The following INTS7 variants were observed in gnomAD, a reference collection of about 807,000 sequenced individuals.
INTS7 encodes chromosome 1 open reading frame 73.
In INTS7, 46 loss-of-function variants were observed where a neutral mutation model predicts 109.2. The ratio of observed to expected loss-of-function variants is 0.42; its 90% CI spans 0.33 to 0.54. INTS7 has a LOEUF of 0.54. INTS7 is among the 20% of genes least tolerant of loss of function. The probability of loss-of-function intolerance (pLI) is 0.07; values close to 1 mark genes in which losing one functional copy is unlikely to be tolerated. For synonymous variants in INTS7, 412 were observed against 402.9 expected, an observed-to-expected ratio of 1.02 and a Z score of -0.27; for missense variants, 929 against 1,132.4, an observed-to-expected ratio of 0.82 and a Z score of 2.58.
intron 6 of INTS7, 63 bp downstream of exon 6, chr1:212,007,187 C>G (rs1665967717): frequency 1.7e-6 from 2 of 1,154,194 alleles, no homozygotes; most frequent in East Asian, 5.1e-5. Flanking sequence ...TTTCTTATTT[C>G]TAATCATATA....
rs569570221 is a variant in INTS7 at position 211,968,554 on chromosome 1, A to C, written c.1969T>G (p.Leu657Val). The C allele has an allele frequency of 6.4e-5, 103 of 1,613,950 alleles. No homozygotes were observed. The highest frequency in any genetic ancestry group is 8.4e-5 in the Non-Finnish European group (99 of 1,179,992). The change falls in exon 14 of 20, where the codon TTA (leucine) becomes GTA (valine). Residue 657 changes from leucine to valine, a missense_variant. This residue lies in a region of INTS7 where 787 missense variants were observed against 901.1 expected (regional missense o/e 0.87). Transcript: ENST00000366994. ...CCACACCTCTGGAGGTCATTTCCTA[A>C]GGTCATGGCAATTGTTGTGGCAATT... ...PAIATTIAMT[L>V]GNDLQRCGRI...
chr1:212,008,458 C>T (rs576518121), intron 5 of INTS7, among the ~76,000 whole-genome samples: 3 of 152,212 alleles, frequency 2.0e-5, no homozygotes, highest in South Asian at 2.1e-4. Context: ...TCTGTCTACG[C>T]TTTAATTTCT....
At chr1:211,982,568 G>C in intron 9 of INTS7, 108 bp downstream of exon 9, 2 of 775,570 alleles carry the variant, frequency 2.6e-6, no homozygotes, top group South Asian at 5.2e-5. Flanking sequence ...TCAATTTGTA[G>C]ATCAAGGCAC....
chr1:211,987,146 A>G (rs1242162437), intron 8 of INTS7, among the ~76,000 whole-genome samples: 8 of 152,056 alleles, frequency 5.3e-5, no homozygotes, highest in African/African-American at 1.9e-4. Context: ...AAAATACAAA[A>G]ATTAGCCAGC....
rs778589452 is a variant in INTS7 at position 212,006,654 on chromosome 1, A to G, written c.864T>C (p.Ser288=). ...LLANKTPHTW[S]RENIQALCEC... ...TTCTACATACCTGAATATTCTCCCT[A>G]CTCCAAGTATGTGGTGTTTTATTAG... The change falls in exon 7 of 20, where the codon AGT becomes AGC. Residue 288 remains serine, a synonymous_variant. Coordinates refer to ENST00000366994, the MANE Select transcript of INTS7 (RefSeq NM_015434.4). 6.5e-7 allele frequency: 1 copy of G among 1,549,740 alleles called. No homozygotes were observed. Among genetic ancestry groups the G allele is most frequent in the South Asian group, 1.1e-5 (1 of 87,214 alleles).
chr1:212,010,631 T>C (rs770551725), intron 5 of INTS7, among the ~76,000 whole-genome samples: 7 of 152,216 alleles, frequency 4.6e-5, no homozygotes, highest in African/African-American at 9.6e-5. Context: ...GAAAAATTCC[T>C]AGTAACTTCA....
At chr1:211,980,725 G>T (rs1022831739) in intron 10 of INTS7, among the ~76,000 whole-genome samples, 2 of 151,982 alleles carry the variant, frequency 1.3e-5, no homozygotes, top group Admixed American at 6.6e-5. Context: ...AGGCATGAGA[G>T]CCACTGTCCT....
chr1:211,942,605 A>G lies in INTS7; in HGVS notation c.2602-494T>C, dbSNP rs1033603346. Among the ~76,000 whole-genome samples, 1 of 152,148 alleles carries G rather than the reference A, an allele frequency of 6.6e-6. No individual in the cohort carries two copies. The highest frequency in any genetic ancestry group is 2.1e-4 in the South Asian group (1 of 4,818). ...CAAATTTAAGTTAGGTTCCCCCCCAACAGTTAGTCTGATTTTTATTACTTA... is the reference window on the plus strand; with the variant it reads ...CAAATTTAAGTTAGGTTCCCCCCCAGCAGTTAGTCTGATTTTTATTACTTA... On this transcript the variant is annotated intron_variant, in intron 19 of 19. Transcript: ENST00000366994. This position sits in a 1 kb window ranked among gnomAD's most constrained non-coding sequence, Gnocchi z 4.2.
At chr1:212,024,272 T>C (rs988691097) in intron 1 of INTS7, among the ~76,000 whole-genome samples, 14 of 152,172 alleles carry the variant, frequency 9.2e-5, no homozygotes, top group African/African-American at 3.1e-4. Flanking sequence ...TTGATAGTAA[T>C]AGCACTCTGT....
intron 1 of INTS7, among the ~76,000 whole-genome samples, chr1:212,029,001 T>C (rs1303513903): frequency 6.6e-6 from 1 of 152,130 alleles, no homozygotes; most frequent in Admixed American, 6.5e-5. Flanking sequence ...AGAAAGAGAT[T>C]AAGATTCAAG....
intron 7 of INTS7, among the ~76,000 whole-genome samples, chr1:211,995,563 A>G (rs1665344249): frequency 6.6e-6 from 1 of 152,262 alleles, no homozygotes; most frequent in South Asian, 2.1e-4. Flanking sequence ...GGCTGCAAAT[A>G]GAACAGAAGA....
In INTS7 at chr1:211,981,156, G is replaced by T; in HGVS notation, c.1167C>A (p.Gly389=). Reference sequence around the variant, plus strand: ...TACAAAGTACCAGTAGGGATTCCAGGCCAAAGACAGCATCTTGTTCCAGTG... The same window carrying T: ...TACAAAGTACCAGTAGGGATTCCAGTCCAAAGACAGCATCTTGTTCCAGTG... ...LLALEQDAVF[G]LESLLVLCSQ... Residue 389 remains glycine (G), a synonymous_variant, in exon 10 of 20, where the codon GGC becomes GGA. Coordinates refer to ENST00000366994, the MANE Select transcript of INTS7 (RefSeq NM_015434.4). 6.2e-7 allele frequency: 1 copy of T among 1,613,156 alleles called. No individual in the cohort carries two copies. Among genetic ancestry groups the T allele is most frequent in the Non-Finnish European group, 8.5e-7 (1 of 1,179,308 alleles).
chr1:211,991,120 T>C (rs1193752220), intron 7 of INTS7, among the ~76,000 whole-genome samples: 1 of 152,178 alleles, frequency 6.6e-6, no homozygotes, highest in Non-Finnish European at 1.5e-5. Flanking sequence ...ATTCAGTAAG[T>C]ATTACAAACT....
At chr1:212,007,522 A>G in intron 5 of INTS7, 73 bp from the exon 6 acceptor site, 2 of 1,219,388 alleles carry the variant, frequency 1.6e-6, no homozygotes, top group Non-Finnish European at 2.4e-6. Context: ...AAAAGCTGTG[A>G]CTCATTTAGC....
At position 211,941,137 on chromosome 1, in the gene INTS7, C is replaced by T. The variant is rs1662607237; in HGVS notation, c.*687G>A. 6.6e-6 allele frequency: 1 copy of T among 152,212 alleles called. No individual in the cohort carries two copies. Among genetic ancestry groups the T allele is most frequent in the Admixed American group, 6.5e-5 (1 of 15,278 alleles). 9.4% of individuals were successfully genotyped at this position (152,212 alleles called of 1,614,324 possible). A position where few individuals can be genotyped will look rare whatever the true frequency, so the allele number is the denominator to read the frequency against. The stretch of plus-strand genomic sequence containing the variant: ...CTCAGGTTCTGCTACCATGGATAAA[C>T]CTTGTAGTGACTGGTCAGAACCTCC... On this transcript the variant is annotated 3_prime_UTR_variant, in exon 20 of 20. Coordinates refer to ENST00000366994, the MANE Select transcript of INTS7 (RefSeq NM_015434.4).
At chr1:211,969,551 C>CTTTTTTTTTTTTTT (rs36104773) in intron 13 of INTS7, among the ~76,000 whole-genome samples, 1 of 85,014 alleles carries the variant, frequency 1.2e-5, no homozygotes, top group Admixed American at 1.4e-4. Flanking sequence ...TTTTTCTTTT[C>CTTTTTTTTTTTTTT]TTTTTTTTTT....
chr1:211,966,288 T>A, intron 16 of INTS7, 142 bp downstream of exon 16: 1 of 507,308 alleles, frequency 2.0e-6, no homozygotes, highest in Non-Finnish European at 3.5e-6. Flanking sequence ...ACTAGTTATG[T>A]GACCCACAAA....
chr1:211,953,750 A>T (rs990950966), intron 16 of INTS7, among the ~76,000 whole-genome samples: 5 of 151,190 alleles, frequency 3.3e-5, no homozygotes, highest in African/African-American at 1.2e-4. Flanking sequence ...TTATGGCTGC[A>T]TAGTATTCCA....
intron 17 of INTS7, among the ~76,000 whole-genome samples, chr1:211,947,588 G>A (rs979920205): frequency 6.6e-6 from 1 of 152,090 alleles, no homozygotes; most frequent in Non-Finnish European, 1.5e-5. Flanking sequence ...GTCTGTTCTT[G>A]CAGACCCGAT....
Sources: allele counts gnomAD v4.1 joint callset (sites outside exome capture counted in the v4.1 genomes callset), GRCh38; gene constraint gnomAD v4.1.1; regional missense constraint gnomAD v4.1.1; non-coding constraint Gnocchi (gnomAD v3.1); transcripts MANE v1.5; gene names NCBI Gene and HGNC (gene_info 2026-07-23, HGNC 2026-07-21).